DENND5B: variants seen among roughly 807,000 people sequenced by gnomAD.
The protein encoded by DENND5B is DENN domain-containing protein 5B.
A neutral mutation model predicts 140.6 loss-of-function variants in DENND5B; 34 were observed. The ratio of observed to expected loss-of-function variants is 0.24; its 90% CI spans 0.18 to 0.32. The LOEUF (loss-of-function observed/expected upper bound fraction) is 0.32, where lower values mean the gene tolerates loss of function less well. DENND5B is among the 10% of genes least tolerant of loss of function. The probability of loss-of-function intolerance (pLI) is 1.00; values close to 1 mark genes in which losing one functional copy is unlikely to be tolerated. For missense variants in DENND5B, 1,142 were observed against 1,560.2 expected, an observed-to-expected ratio of 0.73 and a Z score of 4.52; for synonymous variants, 551 against 562.1, an observed-to-expected ratio of 0.98 and a Z score of 0.28.
intron 15 of DENND5B, among the ~76,000 whole-genome samples, chr12:31,401,406 G>T (rs1473349412): frequency 6.6e-6 from 1 of 152,080 alleles, no homozygotes; most frequent in African/African-American, 2.4e-5. Flanking sequence ...GCCAAACTGG[G>T]CTCCTGGGGG....
At chr12:31,529,162 C>CAAAAA (rs57966147) in intron 1 of DENND5B, among the ~76,000 whole-genome samples, 2 of 113,230 alleles carry the variant, frequency 1.8e-5, no homozygotes, top group Admixed American at 9.1e-5. Flanking sequence ...AACTCTGTCT[C>CAAAAA]AAAAAAAAAA....
intron 14 of DENND5B, among the ~76,000 whole-genome samples, chr12:31,404,945 A>T (rs1345832398): frequency 6.6e-6 from 1 of 151,468 alleles, no homozygotes; most frequent in African/African-American, 2.4e-5. Context: ...TTTTTAGTAG[A>T]GATGCGGTTT....
chr12:31,547,588 G>C (rs1258322428), intron 1 of DENND5B, among the ~76,000 whole-genome samples: 3 of 151,912 alleles, frequency 2.0e-5, no homozygotes, highest in African/African-American at 7.3e-5. Flanking sequence ...AGTAGAGATG[G>C]GGTTTCATCA....
chr12:31,423,632 C>A lies in DENND5B; in HGVS notation c.2435G>T (p.Arg812Ile). 1 of 1,613,932 alleles carries A rather than the reference C, an allele frequency of 6.2e-7. No homozygotes were observed. The highest frequency in any genetic ancestry group is 8.5e-7 in the Non-Finnish European group (1 of 1,179,860). Reference protein sequence around the residue: ...LWSHLIQFQDREEKQEHLAES... With the variant: ...LWSHLIQFQDIEEKQEHLAES... Reference sequence around the variant, plus strand: ...TGCAAGGTGCTCTTGTTTCTCTTCTCTGTCCTGAAATTGAATTAAATGTGA... The same window carrying A: ...TGCAAGGTGCTCTTGTTTCTCTTCTATGTCCTGAAATTGAATTAAATGTGA... Residue 812 changes from arginine to isoleucine, a missense_variant, in exon 11 of 21, where the codon AGA becomes ATA. Coordinates refer to ENST00000389082, the MANE Select transcript of DENND5B (RefSeq NM_144973.4).
intron 2 of DENND5B, among the ~76,000 whole-genome samples, chr12:31,489,439 A>G (rs1257181262): frequency 1.3e-5 from 2 of 152,178 alleles, no homozygotes; most frequent in Admixed American, 6.5e-5. Flanking sequence ...AGCAGTTACC[A>G]AAAAAATGTG....
rs184465879 is a variant in DENND5B at position 31,476,109 on chromosome 12, G to A, written c.904+3480C>T. Reference sequence around the variant, plus strand: ...CCACTGCACTCCAGCCTGGGTGACAGAGCAAGACTCCGTCTCAATAAAAAA... The same window carrying A: ...CCACTGCACTCCAGCCTGGGTGACAAAGCAAGACTCCGTCTCAATAAAAAA... On this transcript the variant is annotated intron_variant, in intron 3 of 20. Transcript: ENST00000389082. Among the ~76,000 whole-genome samples the A allele has an allele frequency of 2.4e-4, 36 of 151,618 alleles. No homozygotes were observed. The East Asian group carries it at 6.2e-3, about 26-fold the overall frequency.
chr12:31,427,973 C>G (rs1422727181), intron 8 of DENND5B, among the ~76,000 whole-genome samples: 1 of 152,194 alleles, frequency 6.6e-6, no homozygotes, highest in Non-Finnish European at 1.5e-5. Context: ...AAAAATCCCA[C>G]TGATTAGGGA....
At chr12:31,461,428 C>T (rs965130362) in intron 3 of DENND5B, among the ~76,000 whole-genome samples, 4 of 152,158 alleles carry the variant, frequency 2.6e-5, no homozygotes, top group African/African-American at 7.2e-5. Context: ...AAGCTCCCCA[C>T]AATAGTAAAG....
At chr12:31,502,193 T>C (rs894005122) in intron 1 of DENND5B, among the ~76,000 whole-genome samples, 2 of 151,946 alleles carry the variant, frequency 1.3e-5, no homozygotes, top group African/African-American at 2.4e-5. Context: ...CACACACCTG[T>C]AGTCCCAGCT....
chr12:31,556,353 C>T (rs566949928), intron 1 of DENND5B, among the ~76,000 whole-genome samples: 1 of 152,316 alleles, frequency 6.6e-6, no homozygotes, highest in Non-Finnish European at 1.5e-5. Context: ...AGGCACCTGC[C>T]ACCATGCCCA....
chr12:31,409,699 C>G (rs11051420), intron 13 of DENND5B, among the ~76,000 whole-genome samples: 145,030 of 152,096 alleles, frequency 0.95, 69,284 homozygotes, highest in East Asian at 0.99. Context: ...GGCTGGTCTC[C>G]AACTCCTGAC....
chr12:31,422,942 C>CTTTTTTT (rs369745344), intron 11 of DENND5B, among the ~76,000 whole-genome samples: 1 of 139,880 alleles, frequency 7.1e-6, no homozygotes, highest in Non-Finnish European at 1.6e-5. Flanking sequence ...GTTATAAAAA[C>CTTTTTTT]TTTTTTTTTT....
intron 4 of DENND5B, among the ~76,000 whole-genome samples, chr12:31,452,859 AATC>A (rs1944600327): frequency 6.6e-6 from 1 of 152,146 alleles, no homozygotes; most frequent in African/African-American, 2.4e-5. Context: ...AATATATTAT[AATC>A]TGAATATGAT....
chr12:31,473,378 T>C (rs989875985), intron 3 of DENND5B, among the ~76,000 whole-genome samples: 1 of 152,222 alleles, frequency 6.6e-6, no homozygotes, highest in Non-Finnish European at 1.5e-5. Flanking sequence ...GGAGTGGATC[T>C]TAGGTTTGAC....
At chr12:31,551,732 T>G (rs1012056056) in intron 1 of DENND5B, among the ~76,000 whole-genome samples, 1 of 152,250 alleles carries the variant, frequency 6.6e-6, no homozygotes, top group Non-Finnish European at 1.5e-5. Context: ...TATCTTCTTT[T>G]ATTTCATTGA....
intron 11 of DENND5B, among the ~76,000 whole-genome samples, chr12:31,418,382 C>G (rs1270144832): frequency 6.7e-6 from 1 of 148,164 alleles, no homozygotes; most frequent in Non-Finnish European, 1.5e-5. Context: ...CCGGGCTAAG[C>G]GATCCTCCAA....
chr12:31,515,168 G>A (rs1046037147), intron 1 of DENND5B, among the ~76,000 whole-genome samples: 3 of 152,126 alleles, frequency 2.0e-5, no homozygotes, highest in African/African-American at 7.2e-5. Flanking sequence ...AGCCGAGTGT[G>A]GTGGTGCATG....
intron 7 of DENND5B, among the ~76,000 whole-genome samples, chr12:31,435,460 T>C (rs1943703004): frequency 6.6e-6 from 1 of 152,182 alleles, no homozygotes; most frequent in South Asian, 2.1e-4. Flanking sequence ...CCAATCTTTT[T>C]CTCAGTGGAA....
At chr12:31,519,183 G>C (rs922656947) in intron 1 of DENND5B, among the ~76,000 whole-genome samples, 1 of 152,208 alleles carries the variant, frequency 6.6e-6, no homozygotes, top group East Asian at 1.9e-4. Flanking sequence ...GGTGCTTGGT[G>C]ATTAGCCAAA....
Sources: gnomAD v4.1 joint callset for allele counts (sites outside exome capture counted in the v4.1 genomes callset) on GRCh38, gnomAD v4.1.1 for gene constraint, MANE v1.5 for transcripts, NCBI Gene and HGNC (gene_info 2026-07-23, HGNC 2026-07-21) for gene names.